SUGCT: variants seen among roughly 807,000 people sequenced by gnomAD.
The protein encoded by SUGCT is succinyl-CoA:glutarate CoA-transferase.
Under a neutral mutation model 55.0 loss-of-function variants are expected in SUGCT, and 41 were observed. The observed-to-expected ratio is 0.74, with a 90% confidence interval of 0.58 to 0.97. The LOEUF is 0.97. SUGCT is among the 50% of genes least tolerant of loss of function. The pLI is 0.00. For missense variants in SUGCT, 568 were observed against 547.8 expected, an observed-to-expected ratio of 1.04 and a Z score of -0.37; for synonymous variants, 187 against 200.4, an observed-to-expected ratio of 0.93 and a Z score of 0.56.
At position 40,189,915 on chromosome 7, in the gene SUGCT, A is replaced by G. The variant is rs10237243; in HGVS notation, c.363+321A>G. Among the ~76,000 whole-genome samples the G allele has an allele frequency of 3.5e-3, 529 of 152,248 alleles. 3 individuals carry two copies. The highest frequency in any genetic ancestry group is 0.012 in the African/African-American group (498 of 41,546). ...CTTGTAAATGAAGTATTGAAATCTCATTTACATAAAAGGGAATTGAGTTTC... is the reference window on the plus strand; with the variant it reads ...CTTGTAAATGAAGTATTGAAATCTCGTTTACATAAAAGGGAATTGAGTTTC... On this transcript the variant is annotated intron_variant, in intron 5 of 13. Transcript: ENST00000335693.
the SUGCT span, among the ~76,000 whole-genome samples, chr7:40,996,460 T>C: frequency 1.3e-5 from 2 of 152,196 alleles, no homozygotes; most frequent in East Asian, 1.9e-4. Flanking sequence ...CTGTTCTTAG[T>C]TCTTTTTAAA....
chr7:40,780,471 C>G (rs965930181), intron 13 of SUGCT, among the ~76,000 whole-genome samples: 1 of 152,118 alleles, frequency 6.6e-6, no homozygotes, highest in African/African-American at 2.4e-5. Context: ...CAGCAGTTAC[C>G]CATATCTGCT....
At chr7:40,521,293 A>G (rs1019431593) in intron 12 of SUGCT, among the ~76,000 whole-genome samples, 1 of 152,102 alleles carries the variant, frequency 6.6e-6, no homozygotes, top group Non-Finnish European at 1.5e-5. Flanking sequence ...TTAAATGTGT[A>G]GTACAGTGCT....
the SUGCT span, among the ~76,000 whole-genome samples, chr7:40,917,247 A>G: frequency 1.3e-5 from 2 of 152,238 alleles, no homozygotes; most frequent in Non-Finnish European, 2.9e-5. Flanking sequence ...TTATAAAATG[A>G]CCTTACAATG....
At chr7:41,028,259 A>G in the SUGCT span, among the ~76,000 whole-genome samples, 66 of 152,380 alleles carry the variant, frequency 4.3e-4, no homozygotes, top group African/African-American at 1.5e-3. Flanking sequence ...GACCCTGGAT[A>G]TGTTGAGAAA....
chr7:40,225,821 A>G (rs761494263), intron 6 of SUGCT, among the ~76,000 whole-genome samples: 1 of 152,150 alleles, frequency 6.6e-6, no homozygotes, highest in African/African-American at 2.4e-5. Context: ...GTAATTATAG[A>G]ATCATAGAAA....
chr7:40,919,371 A>T, the SUGCT span, among the ~76,000 whole-genome samples: 1 of 152,212 alleles, frequency 6.6e-6, no homozygotes, highest in African/African-American at 2.4e-5. Context: ...TCAACCAGGC[A>T]CTGGGAAATT....
In SUGCT at chr7:40,151,390, T is replaced by C. The variant is rs563236822; in HGVS notation, c.100+16270T>C. Reference sequence around the variant, plus strand: ...GAGCTGAAAGCATCTGTGTGGCAGCTGGACATGTCCTTTTCACTGGCTTCA... The same window carrying C: ...GAGCTGAAAGCATCTGTGTGGCAGCCGGACATGTCCTTTTCACTGGCTTCA... On this transcript the variant is annotated intron_variant, in intron 1 of 13. Transcript: ENST00000335693. 3.9e-5 allele frequency among the ~76,000 whole-genome samples: 6 copies of C among 152,368 alleles called. No homozygotes were observed. The South Asian group carries it at 1.2e-3, about 32-fold the overall frequency.
Position 40,459,136 on chromosome 7 carries a change from G to A in SUGCT, c.924G>A (p.Lys308=). ...TGCCTGAGTTGATTGATAATTCCAA[G>A]TATAAAACTAACCACCTTCGGGTAC... ...LDLPELIDNS[K]YKTNHLRVHN... The change falls in exon 11 of 14, where the codon AAG becomes AAA. Residue 308 remains lysine, a synonymous_variant. Transcript: ENST00000335693. The A allele has an allele frequency of 6.2e-7, 1 of 1,611,690 alleles. No homozygotes were observed. The highest frequency in any genetic ancestry group is 8.5e-7 in the Non-Finnish European group (1 of 1,178,642).
At chr7:40,949,837 A>G in the SUGCT span, among the ~76,000 whole-genome samples, 2 of 152,132 alleles carry the variant, frequency 1.3e-5, no homozygotes, top group Admixed American at 6.5e-5. Flanking sequence ...TACCAGTACC[A>G]TGCTGTTTTG....
At chr7:40,718,360 AC>A (rs1786137828) in intron 12 of SUGCT, among the ~76,000 whole-genome samples, 1 of 152,220 alleles carries the variant, frequency 6.6e-6, no homozygotes, top group Non-Finnish European at 1.5e-5. Context: ...CCTGAGTGTC[AC>A]ATTTTAACAT....
At chr7:40,793,449 G>A (rs1305881073) in intron 13 of SUGCT, among the ~76,000 whole-genome samples, 1 of 151,978 alleles carries the variant, frequency 6.6e-6, no homozygotes, top group East Asian at 1.9e-4. Flanking sequence ...CTATGCTTGT[G>A]GCTGCATTCT....
At chr7:40,335,474 A>T (rs1368932339) in intron 9 of SUGCT, among the ~76,000 whole-genome samples, 1 of 151,714 alleles carries the variant, frequency 6.6e-6, no homozygotes, top group African/African-American at 2.4e-5. Context: ...ATCCCTTGTA[A>T]GTTGGATTCC....
chr7:40,523,804 C>T (rs1359680119), intron 12 of SUGCT, among the ~76,000 whole-genome samples: 2 of 152,082 alleles, frequency 1.3e-5, no homozygotes, highest in Admixed American at 1.3e-4. Context: ...TGTTTACTAA[C>T]CAGTCTATAT....
At chr7:40,442,037 A>G (rs1413825108) in intron 9 of SUGCT, among the ~76,000 whole-genome samples, 1 of 152,154 alleles carries the variant, frequency 6.6e-6, no homozygotes, top group Admixed American at 6.6e-5. Context: ...TTCAAAGACC[A>G]ATCTTAGGAG....
intron 13 of SUGCT, among the ~76,000 whole-genome samples, chr7:40,799,248 C>T (rs1584458802): frequency 2.0e-5 from 3 of 152,158 alleles, no homozygotes; most frequent in East Asian, 3.9e-4. Context: ...TACCCAAACA[C>T]TCAAACCAGA....
At chr7:40,963,466 G>T in the SUGCT span, among the ~76,000 whole-genome samples, 95 of 152,292 alleles carry the variant, frequency 6.2e-4, no homozygotes, top group Non-Finnish European at 1.2e-3. Context: ...TTTTAGGAAT[G>T]AAATAATTAC....
intron 9 of SUGCT, among the ~76,000 whole-genome samples, chr7:40,402,593 T>C (rs1019276937): frequency 2.0e-5 from 3 of 152,172 alleles, no homozygotes; most frequent in African/African-American, 4.8e-5. Flanking sequence ...GTTTTTTTTT[T>C]CTGTTCTTTC....
intron 12 of SUGCT, among the ~76,000 whole-genome samples, chr7:40,575,709 G>A (rs1436713765): frequency 6.6e-6 from 1 of 152,146 alleles, no homozygotes; most frequent in Non-Finnish European, 1.5e-5. Flanking sequence ...ACTTTGGGAG[G>A]CTGAGGCGGG....
Sources: allele counts gnomAD v4.1 joint callset (sites outside exome capture counted in the v4.1 genomes callset), GRCh38; gene constraint gnomAD v4.1.1; transcripts MANE v1.5; gene names NCBI Gene and HGNC (gene_info 2026-07-23, HGNC 2026-07-21).